HS3ST5: variants seen among roughly 807,000 people sequenced by gnomAD.
HS3ST5 encodes the protein heparan sulfate-glucosamine 3-sulfotransferase 5, also known as heparan sulfate glucosamine 3-O-sulfotransferase 5.
Under a neutral mutation model 25.4 loss-of-function variants are expected in HS3ST5, and 10 were observed. That is an observed-to-expected ratio of 0.39 (90% confidence interval 0.24 to 0.67). The LOEUF (loss-of-function observed/expected upper bound fraction) is 0.67, where lower values mean the gene tolerates loss of function less well. Ranked by LOEUF, HS3ST5 falls within the 30% of genes least tolerant of loss-of-function variation. The pLI, the probability that HS3ST5 is intolerant of heterozygous loss-of-function variation, is 0.44. For missense variants in HS3ST5, 324 were observed against 420.7 expected, an observed-to-expected ratio of 0.77 and a Z score of 2.01; for synonymous variants, 170 against 162.4, an observed-to-expected ratio of 1.05 and a Z score of -0.36.
At chr6:114,247,762 T>A (rs1379546340) in intron 1 of HS3ST5, among the ~76,000 whole-genome samples, 1 of 151,278 alleles carries the variant, frequency 6.6e-6, no homozygotes, top group East Asian at 1.9e-4. Context: ...AATATCCATA[T>A]TTTTTCTGTT....
In HS3ST5 at chr6:114,089,968, G is replaced by A. The variant is rs192915132; in HGVS notation, c.-32-27091C>T. Among the ~76,000 whole-genome samples, 294 of 152,244 alleles carry A rather than the reference G, an allele frequency of 1.9e-3. 1 individual carries two copies. The highest frequency in any genetic ancestry group is 2.5e-3 in the Non-Finnish European group (173 of 68,020). On this transcript the variant is annotated intron_variant, in intron 3 of 4. Coordinates refer to ENST00000312719, the MANE Select transcript of HS3ST5 (RefSeq NM_153612.4). ...TGGCTTCCCAAAACTTTAGTTGGGG[G>A]TACTCTTGCATTTCTGAAGCTCTGG...
chr6:114,148,194 A>C (rs1323621651), intron 3 of HS3ST5, among the ~76,000 whole-genome samples: 1 of 152,226 alleles, frequency 6.6e-6, no homozygotes, highest in African/African-American at 2.4e-5. Flanking sequence ...AGAATTCCCT[A>C]TTTAATAAAT....
chr6:114,111,077 C>T (rs916776881), intron 3 of HS3ST5, among the ~76,000 whole-genome samples: 6 of 152,088 alleles, frequency 3.9e-5, no homozygotes, highest in Admixed American at 6.6e-5. Context: ...CAAACCTGAC[C>T]TCTTATTTTT....
intron 1 of HS3ST5, chr6:114,340,729 T>A (rs975081345): frequency 8.5e-5 from 13 of 152,232 alleles, no homozygotes; most frequent in African/African-American, 1.7e-4. Flanking sequence ...AAACCTTTTT[T>A]AAAAAATAAT....
intron 2 of HS3ST5, among the ~76,000 whole-genome samples, chr6:114,200,362 T>C (rs761467794): frequency 5.9e-5 from 9 of 152,240 alleles, no homozygotes; most frequent in African/African-American, 2.2e-4. Context: ...AACTAGTTAT[T>C]GTTTATTTTG....
chr6:114,248,489 A>C (rs910885760), intron 1 of HS3ST5, among the ~76,000 whole-genome samples: 3 of 151,960 alleles, frequency 2.0e-5, no homozygotes, highest in Non-Finnish European at 2.9e-5. Context: ...AGAAAAAAAT[A>C]AAAAATAAAA....
intron 3 of HS3ST5, among the ~76,000 whole-genome samples, chr6:114,131,857 C>T (rs767560433): frequency 2.6e-5 from 4 of 152,080 alleles, no homozygotes; most frequent in African/African-American, 7.2e-5. Context: ...ACCATGTGGG[C>T]GTTTAATATT....
At chr6:114,339,295 T>C (rs1344592723) in intron 1 of HS3ST5, among the ~76,000 whole-genome samples, 3 of 152,176 alleles carry the variant, frequency 2.0e-5, no homozygotes, top group Admixed American at 2.0e-4. Flanking sequence ...GGAAGTTACC[T>C]TGAGAATTAT....
chr6:114,218,284 C>T (rs766502410), intron 2 of HS3ST5, among the ~76,000 whole-genome samples: 2 of 152,130 alleles, frequency 1.3e-5, no homozygotes, highest in African/African-American at 2.4e-5. Context: ...AGGAGTGAGC[C>T]GCCGTGCCCG....
intron 1 of HS3ST5, among the ~76,000 whole-genome samples, chr6:114,327,578 C>T (rs953461612): frequency 1.3e-5 from 2 of 152,046 alleles, no homozygotes; most frequent in African/African-American, 4.8e-5. Flanking sequence ...AAAATAAATG[C>T]CAACATCCAG....
chr6:114,283,272 A>G (rs1247980951), intron 1 of HS3ST5, among the ~76,000 whole-genome samples: 1 of 151,842 alleles, frequency 6.6e-6, no homozygotes, highest in Non-Finnish European at 1.5e-5. Context: ...TTGAGCTGTC[A>G]TTATGATTTA....
chr6:114,337,660 C>T (rs1562280167), intron 1 of HS3ST5, among the ~76,000 whole-genome samples: 2 of 152,096 alleles, frequency 1.3e-5, no homozygotes, highest in African/African-American at 4.8e-5. Context: ...ATTACAATTG[C>T]CTTCCTTATG....
intron 1 of HS3ST5, among the ~76,000 whole-genome samples, chr6:114,314,919 T>C (rs1360800686): frequency 6.6e-6 from 1 of 152,172 alleles, no homozygotes; most frequent in East Asian, 1.9e-4. Context: ...ACCATTAAAA[T>C]AGTAACAAGT....
intron 1 of HS3ST5, among the ~76,000 whole-genome samples, chr6:114,303,901 T>G (rs1380887501): frequency 1.3e-5 from 2 of 152,144 alleles, no homozygotes; most frequent in African/African-American, 4.8e-5. Context: ...AAGATAAATT[T>G]TATTATTTAA....
chr6:114,169,807 C>G (rs916113388), intron 2 of HS3ST5, among the ~76,000 whole-genome samples: 1 of 152,114 alleles, frequency 6.6e-6, no homozygotes, highest in Admixed American at 6.6e-5. Flanking sequence ...AAGGGTAATA[C>G]CTTCAATTAG....
At chr6:114,163,018 A>G (rs748454287) in intron 3 of HS3ST5, among the ~76,000 whole-genome samples, 1 of 152,222 alleles carries the variant, frequency 6.6e-6, no homozygotes, top group Admixed American at 6.5e-5. Context: ...CGCTATAAAA[A>G]TAGTTGGCCA....
intron 3 of HS3ST5, among the ~76,000 whole-genome samples, chr6:114,137,676 A>G (rs1232429514): frequency 6.6e-6 from 1 of 152,168 alleles, no homozygotes; most frequent in East Asian, 1.9e-4. Flanking sequence ...CACTGTGCCA[A>G]GTGCTAACAA....
intron 2 of HS3ST5, among the ~76,000 whole-genome samples, chr6:114,227,597 C>T (rs761840613): frequency 3.3e-5 from 5 of 151,600 alleles, no homozygotes; most frequent in Non-Finnish European, 7.4e-5. Flanking sequence ...TGTAAACTTC[C>T]GTAAATGTAT....
At chr6:114,139,392 G>T (rs1289071729) in intron 3 of HS3ST5, among the ~76,000 whole-genome samples, 4 of 149,950 alleles carry the variant, frequency 2.7e-5, no homozygotes, top group Non-Finnish European at 5.9e-5. Flanking sequence ...AGGGACAAAA[G>T]TTCAAAAAAA....
Sources: gnomAD v4.1 joint callset for allele counts (sites outside exome capture counted in the v4.1 genomes callset) on GRCh38, gnomAD v4.1.1 for gene constraint, MANE v1.5 for transcripts, NCBI Gene and HGNC (gene_info 2026-07-23, HGNC 2026-07-21) for gene names.